Variants in UBE2W observed in about 807,000 individuals in gnomAD.
UBE2W encodes ubiquitin conjugating enzyme E2 W, also known as ubiquitin-conjugating enzyme E2 W.
UBE2W carries 18 observed loss-of-function variants against 27.2 expected under a neutral mutation model. The ratio of observed to expected loss-of-function variants is 0.66; its 90% confidence interval spans 0.46 to 0.98. The LOEUF (loss-of-function observed/expected upper bound fraction) is 0.98, where lower values mean the gene tolerates loss of function less well. Among genes scored for constraint, UBE2W ranks in the 50% least tolerant of loss-of-function variants. UBE2W has a pLI of 0.00. For missense variants in UBE2W, 90 were observed against 180.2 expected, an observed-to-expected ratio of 0.50 and a Z score of 2.87; for synonymous variants, 53 against 57.2, an observed-to-expected ratio of 0.93 and a Z score of 0.33.
intron 1 of UBE2W, among the ~76,000 whole-genome samples, chr8:73,844,488 G>C (rs538635935): frequency 1.3e-5 from 2 of 152,284 alleles, no homozygotes; most frequent in South Asian, 4.1e-4. Context: ...GCATGATCTC[G>C]GCTCACTACA....
chr8:73,828,446 T>G (rs1183295953), intron 2 of UBE2W, among the ~76,000 whole-genome samples: 1 of 152,226 alleles, frequency 6.6e-6, no homozygotes, highest in African/African-American at 2.4e-5. Flanking sequence ...TTTTCCATAT[T>G]ATTGACATTT....
intron 1 of UBE2W, among the ~76,000 whole-genome samples, chr8:73,852,023 G>A (rs1159415851): frequency 1.3e-5 from 2 of 150,064 alleles, no homozygotes; most frequent in Non-Finnish European, 3.0e-5. Context: ...GAAGGGGGAA[G>A]GAAAAAGGAG....
chr8:73,829,867 T>C (rs1337692535), intron 2 of UBE2W, among the ~76,000 whole-genome samples: 2 of 152,188 alleles, frequency 1.3e-5, no homozygotes, highest in Admixed American at 6.5e-5. Context: ...GAGGATAAAT[T>C]ATTTTAGATT....
Position 73,788,897 on chromosome 8 carries a change from A to C in UBE2W, c.*5205T>G. 1 of 985,382 alleles carries C rather than the reference A, an allele frequency of 1.0e-6. No homozygotes were observed. The highest frequency in any genetic ancestry group is 1.2e-6 in the Non-Finnish European group (1 of 829,900). The allele number at this position is 985,382 out of a possible 1,614,324, so 61.0% of individuals were successfully genotyped here. ...TGGAGTTCTTGAGGTATGTTAAGATAGATCAGCTTCTATTCAGGCATTCCT... is the reference window on the plus strand; with the variant it reads ...TGGAGTTCTTGAGGTATGTTAAGATCGATCAGCTTCTATTCAGGCATTCCT... On this transcript the variant is annotated 3_prime_UTR_variant, in exon 6 of 6. Transcript: ENST00000602593.
intron 5 of UBE2W, among the ~76,000 whole-genome samples, 179 bp downstream of exon 5, chr8:73,805,472 C>CAAAAAAAAAAAAAAAAAACAACAAAAA: frequency 2.3e-5 from 1 of 43,676 alleles, no homozygotes; most frequent in Non-Finnish European, 5.0e-5. Context: ...AAAAAAAAAA[C>CAAAAAAAAAAAAAAAAAACAACAAAAA]AAAAAAAACT....
At position 73,844,339 on chromosome 8, in the gene UBE2W, G is replaced by A. The variant is rs1810676785; in HGVS notation, c.16-13867C>T. 2.0e-5 allele frequency among the ~76,000 whole-genome samples: 3 copies of A among 152,236 alleles called. No homozygotes were observed. The South Asian group carries it at 6.2e-4, about 31-fold the overall frequency. On this transcript the variant is annotated intron_variant, in intron 1 of 5. Coordinates refer to ENST00000602593, the MANE Select transcript of UBE2W (RefSeq NM_018299.6). Reference sequence around the variant, plus strand: ...GTTTTCGTATCTTTTGGTGGAGACAGGGTTTCGCCGTGTTGGCTGGGCTGG... The same window carrying A: ...GTTTTCGTATCTTTTGGTGGAGACAAGGTTTCGCCGTGTTGGCTGGGCTGG...
chr8:73,806,864 G>A (rs1808929835), intron 4 of UBE2W, among the ~76,000 whole-genome samples: 1 of 152,158 alleles, frequency 6.6e-6, no homozygotes, highest in Non-Finnish European at 1.5e-5. Flanking sequence ...AGAAAAAATG[G>A]GAAAAATATA....
At chr8:73,811,252 C>T (rs1809139020) in intron 3 of UBE2W, among the ~76,000 whole-genome samples, 1 of 152,176 alleles carries the variant, frequency 6.6e-6, no homozygotes, top group Non-Finnish European at 1.5e-5. Context: ...CAGTTTTACT[C>T]TCCTTTCCCT....
At chr8:73,784,755 A>G (rs1352544293), downstream of UBE2W, among the ~76,000 whole-genome samples, 5 of 152,074 alleles carry the variant, frequency 3.3e-5, no homozygotes, top group African/African-American at 1.2e-4. Flanking sequence ...GTCTAGCTTT[A>G]AATTATTTCT....
intron 1 of UBE2W, among the ~76,000 whole-genome samples, chr8:73,849,368 T>A (rs1257394089): frequency 6.6e-6 from 1 of 151,600 alleles, no homozygotes; most frequent in Non-Finnish European, 1.5e-5. Context: ...AAAAATCAGC[T>A]GGGCATGGTG....
At chr8:73,797,034 T>C (rs184156430) in intron 5 of UBE2W, among the ~76,000 whole-genome samples, 4 of 152,292 alleles carry the variant, frequency 2.6e-5, no homozygotes, top group East Asian at 3.9e-4. Flanking sequence ...AAAATCTAAT[T>C]ATTAACCATT....
chr8:73,870,420 T>C lies in UBE2W; in HGVS notation c.15+8388A>G, dbSNP rs533115304. On this transcript the variant is annotated intron_variant, in intron 1 of 5. Transcript: ENST00000602593. ...AAAAAAAAAAGACAAAAGCATCTAG[T>C]AGAGCTAGCTTAAAATGGGAAACAT... 3.0e-5 allele frequency: 27 copies of C among 898,906 alleles called. No individual in the cohort carries two copies. The African/African-American group carries it at 4.2e-4, about 14-fold the overall frequency. The allele number at this position is 898,906 out of a possible 1,614,324, so 55.7% of individuals were successfully genotyped here. A position where few individuals can be genotyped will look rare whatever the true frequency, so the allele number is the denominator to read the frequency against.
chr8:73,826,370 T>A (rs1168984905), intron 2 of UBE2W, among the ~76,000 whole-genome samples: 1 of 152,164 alleles, frequency 6.6e-6, no homozygotes, highest in African/African-American at 2.4e-5. Context: ...TAATTATAGC[T>A]CTGTCACTTA....
At chr8:73,864,443 C>G (rs1811659516) in intron 1 of UBE2W, among the ~76,000 whole-genome samples, 1 of 152,102 alleles carries the variant, frequency 6.6e-6, no homozygotes, top group Non-Finnish European at 1.5e-5. Flanking sequence ...AAGCTCTCTA[C>G]AAAGTTGTGG....
intron 1 of UBE2W, among the ~76,000 whole-genome samples, chr8:73,861,364 C>CTTTTTAAG (rs1811527327): frequency 6.6e-6 from 1 of 151,990 alleles, no homozygotes; most frequent in Admixed American, 6.6e-5. Flanking sequence ...TAATAATGAC[C>CTTTTTAAG]CCAATGAAGG....
At chr8:73,843,890 G>A (rs1349503085) in intron 1 of UBE2W, among the ~76,000 whole-genome samples, 1 of 152,040 alleles carries the variant, frequency 6.6e-6, no homozygotes, top group African/African-American at 2.4e-5. Context: ...TCGAGAGGCT[G>A]AGGCAAGGAA....
chr8:73,784,031 G>A (rs1388921898), downstream of UBE2W, among the ~76,000 whole-genome samples: 1 of 152,092 alleles, frequency 6.6e-6, no homozygotes, highest in Non-Finnish European at 1.5e-5. Flanking sequence ...GATTACAGGT[G>A]TGAGCCACCA....
chr8:73,832,759 C>T (rs1810127592), intron 1 of UBE2W, among the ~76,000 whole-genome samples: 1 of 152,186 alleles, frequency 6.6e-6, no homozygotes, highest in Non-Finnish European at 1.5e-5. Flanking sequence ...TGTCATGTTG[C>T]TACTTAAAAT....
Position 73,876,093 on chromosome 8 carries a change from C to T in UBE2W, c.15+2715G>A, listed in dbSNP as rs7813095. Among the ~76,000 whole-genome samples, 5 of 151,928 alleles carry T rather than the reference C, an allele frequency of 3.3e-5. No individual in the cohort carries two copies. In the South Asian group the frequency reaches 1.0e-3, roughly 32 times the overall value. On this transcript the variant is annotated intron_variant, in intron 1 of 5. Coordinates refer to ENST00000602593, the MANE Select transcript of UBE2W (RefSeq NM_018299.6). ...ACAAAACACAATTAACTTAAATATG[C>T]TGTTCTTATCTGTCTCTTCTTATGA...
Sources: allele counts gnomAD v4.1 joint callset (sites outside exome capture counted in the v4.1 genomes callset), GRCh38; gene constraint gnomAD v4.1.1; transcripts MANE v1.5; gene names NCBI Gene and HGNC (gene_info 2026-07-23, HGNC 2026-07-21).